RTN4: variants seen among roughly 807,000 people sequenced by gnomAD.
RTN4 encodes reticulon 4.
A neutral mutation model predicts 90.4 loss-of-function variants in RTN4; 32 were observed. That is an observed-to-expected ratio of 0.35 (90% CI 0.27 to 0.48). RTN4 has a LOEUF of 0.48. RTN4 is among the 20% of genes least tolerant of loss of function. The pLI, the probability that RTN4 is intolerant of heterozygous loss-of-function variation, is 0.99. For missense variants in RTN4, 1,706 were observed against 1,430.2 expected, an observed-to-expected ratio of 1.19 and a Z score of -3.11; for synonymous variants, 629 against 552.5, an observed-to-expected ratio of 1.14 and a Z score of -1.94.
chr2:55,038,309 C>G (rs534739146), intron 1 of RTN4, among the ~76,000 whole-genome samples: 1 of 151,794 alleles, frequency 6.6e-6, no homozygotes, highest in Admixed American at 6.6e-5. Context: ...TTATACTCAT[C>G]AAAAGAATCA....
chr2:55,099,569 C>T (rs182176713), intron 1 of RTN4, among the ~76,000 whole-genome samples: 1 of 152,136 alleles, frequency 6.6e-6, no homozygotes, highest in East Asian at 1.9e-4. Context: ...TTCAGGACAT[C>T]AATCAGGGAT....
At chr2:55,127,933 A>G in the RTN4 span, among the ~76,000 whole-genome samples, 1 of 151,068 alleles carries the variant, frequency 6.6e-6, no homozygotes, top group Non-Finnish European at 1.5e-5. Flanking sequence ...TTTTTTGGAC[A>G]CAGGGTCTCC....
At chr2:55,090,053 T>C (rs1292499010) in intron 1 of RTN4, among the ~76,000 whole-genome samples, 1 of 152,244 alleles carries the variant, frequency 6.6e-6, no homozygotes, top group Non-Finnish European at 1.5e-5. Context: ...AGAGATTTAT[T>C]TAATGAAAGT....
intron 1 of RTN4, among the ~76,000 whole-genome samples, chr2:55,083,535 AC>A: frequency 6.6e-6 from 1 of 152,194 alleles, no homozygotes; most frequent in Non-Finnish European, 1.5e-5. Context: ...GAATTCATAT[AC>A]TATGATTTAA....
intron 1 of RTN4, among the ~76,000 whole-genome samples, chr2:55,099,543 A>G (rs1667813912): frequency 6.6e-6 from 1 of 152,044 alleles, no homozygotes. Flanking sequence ...TGGCTCTTTG[A>G]CATGGGAAAT....
At chr2:55,091,522 T>C (rs1376526882) in intron 1 of RTN4, among the ~76,000 whole-genome samples, 2 of 152,212 alleles carry the variant, frequency 1.3e-5, no homozygotes. Flanking sequence ...TTCATCTTCC[T>C]GTCCTCATTA....
In RTN4 at chr2:55,096,067, G is replaced by A. The variant is rs926079948; in HGVS notation, c.-213-15428C>T. On this transcript the variant is annotated intron_variant, in intron 1 of 3. Transcript: ENST00000427710. ...TGCTGGGCCGGGTATGGTGGCTCAC[G>A]CCTGTTCCTAGCACTTTGGGAGGCC... Among the ~76,000 whole-genome samples the A allele has an allele frequency of 5.3e-5, 8 of 152,192 alleles. No homozygotes were observed. In the South Asian group the frequency reaches 8.3e-4, roughly 16 times the overall value.
chr2:55,002,452 G>T (rs542673323), intron 3 of RTN4, among the ~76,000 whole-genome samples: 1 of 152,226 alleles, frequency 6.6e-6, no homozygotes, highest in East Asian at 1.9e-4. Context: ...ATCTTCTAAG[G>T]ATAACACGAA....
At chr2:55,020,282 C>A (rs951379237) in intron 3 of RTN4, among the ~76,000 whole-genome samples, 2 of 152,108 alleles carry the variant, frequency 1.3e-5, no homozygotes, top group African/African-American at 4.8e-5. Context: ...CGGAATCACA[C>A]TACTAAATTT....
rs776147068 is a variant in RTN4, at chr2:54,973,121, T to TAAAG, written c.*31_*34dup. On this transcript the variant is annotated 3_prime_UTR_variant, in exon 9 of 9. Transcript: ENST00000337526. Reference sequence around the variant, plus strand: ...CGTATAATCAAATGAATATCCCCTTTAAAGATGAACTCCTACTAATTATTT... The same window carrying TAAAG: ...CGTATAATCAAATGAATATCCCCTTTAAAGAAAGATGAACTCCTACTAATTATTT... The TAAAG allele has an allele frequency of 1.9e-6, 3 of 1,578,452 alleles. No individual in the cohort carries two copies. In the East Asian group the frequency reaches 6.8e-5, roughly 36 times the overall value.
chr2:55,022,395 C>T (rs1052864582), intron 3 of RTN4, among the ~76,000 whole-genome samples: 5 of 152,158 alleles, frequency 3.3e-5, no homozygotes, highest in African/African-American at 1.2e-4. Flanking sequence ...ACTGAACATT[C>T]CTGCCTTTAC....
intron 3 of RTN4, among the ~76,000 whole-genome samples, chr2:54,989,281 G>A (rs1168716664): frequency 6.6e-6 from 1 of 152,132 alleles, no homozygotes; most frequent in Non-Finnish European, 1.5e-5. Flanking sequence ...TAAATGGTCT[G>A]GCTTGAATGC....
chr2:55,124,567 A>T, the RTN4 span, among the ~76,000 whole-genome samples: 5 of 152,358 alleles, frequency 3.3e-5, no homozygotes, highest in African/African-American at 1.2e-4. Context: ...ATCAGAGAAG[A>T]CACAAACAAA....
intron 4 of RTN4, among the ~76,000 whole-genome samples, chr2:54,986,537 G>A (rs1413980952): frequency 6.6e-6 from 1 of 152,202 alleles, no homozygotes; most frequent in Non-Finnish European, 1.5e-5. Context: ...GACTGAGGAA[G>A]CAGTGGAAAA....
At chr2:55,121,076 T>C in the RTN4 span, among the ~76,000 whole-genome samples, 1 of 152,158 alleles carries the variant, frequency 6.6e-6, no homozygotes, top group African/African-American at 2.4e-5. Context: ...GAACCCAGAA[T>C]CAGCCTTGAA....
intron 2 of RTN4, among the ~76,000 whole-genome samples, chr2:55,057,841 G>T (rs1668216865): frequency 6.6e-6 from 1 of 152,098 alleles, no homozygotes; most frequent in Admixed American, 6.6e-5. Flanking sequence ...AAATTAGCTG[G>T]GTGTGATTGT....
At chr2:55,100,362 T>C (rs1036605564) in intron 1 of RTN4, among the ~76,000 whole-genome samples, 1 of 152,162 alleles carries the variant, frequency 6.6e-6, no homozygotes, top group Non-Finnish European at 1.5e-5. Flanking sequence ...CTAATCAAAC[T>C]GGTAGAATTA....
intron 1 of RTN4, among the ~76,000 whole-genome samples, chr2:55,090,966 GT>G (rs1668924942): frequency 6.6e-6 from 1 of 152,136 alleles, no homozygotes; most frequent in Non-Finnish European, 1.5e-5. Flanking sequence ...CACATCCCAA[GT>G]TGACATTTTT....
intron 3 of RTN4, among the ~76,000 whole-genome samples, chr2:54,999,957 G>A (rs1264683744): frequency 1.3e-5 from 2 of 152,110 alleles, no homozygotes; most frequent in African/African-American, 4.8e-5. Flanking sequence ...CTTCAGGTTA[G>A]TATCAATATG....
Sources: gnomAD v4.1 joint callset for allele counts (sites outside exome capture counted in the v4.1 genomes callset) on GRCh38, gnomAD v4.1.1 for gene constraint, MANE v1.5 for transcripts, NCBI Gene and HGNC (gene_info 2026-07-23, HGNC 2026-07-21) for gene names.